FMN1: variants seen among roughly 807,000 people sequenced by gnomAD.
The protein encoded by FMN1 is formin-1.
In FMN1, 110 loss-of-function variants were observed where a neutral mutation model predicts 132.4. The ratio of observed to expected loss-of-function variants is 0.83; its 90% CI spans 0.71 to 0.97. The LOEUF (loss-of-function observed/expected upper bound fraction) is 0.97, where lower values mean the gene tolerates loss of function less well. FMN1 is among the 50% of genes least tolerant of loss of function. The pLI is 0.00. For missense variants in FMN1, 1,792 were observed against 1,705.3 expected (o/e 1.05, Z -0.90); for synonymous variants, 722 against 651.7 (o/e 1.11, Z -1.64).
Position 32,773,262 on chromosome 15 carries a change from A to G in FMN1, c.*1048T>C, listed in dbSNP as rs959893261. On this transcript the variant is annotated 3_prime_UTR_variant, in exon 21 of 21. Coordinates refer to ENST00000616417, the MANE Select transcript of FMN1 (RefSeq NM_001277313.2). ...TGCCCTTCAGTTTTTTTGACATTAA[A>G]GAGTCCTGCTTCATCCTACTTCACA... The G allele has an allele frequency of 6.6e-6, 1 of 152,152 alleles. No individual in the cohort carries two copies. Among genetic ancestry groups the G allele is most frequent in the Admixed American group, 6.5e-5 (1 of 15,280 alleles). 9.4% of individuals were successfully genotyped at this position (152,152 alleles called of 1,614,324 possible).
At chr15:32,860,295 T>C (rs540208445) in intron 16 of FMN1, among the ~76,000 whole-genome samples, 5 of 151,964 alleles carry the variant, frequency 3.3e-5, no homozygotes, top group African/African-American at 9.6e-5. Context: ...AAGGGAAAAG[T>C]AGATGAAGAA....
rs74008203 is a variant in FMN1, at chr15:33,066,652, C to A, written c.2044-1578G>T. The A allele has an allele frequency of 4.3e-6, 7 of 1,613,686 alleles. No individual in the cohort carries two copies. In the Admixed American group the frequency reaches 6.7e-5, roughly 15 times the overall value. ...CAGCTGTGGTCCCCTTTCTGGGGGG[C>A]CGGATGAATAGGGCTTTAAAAGCCT... On this transcript the variant is annotated intron_variant, in intron 5 of 20. Transcript: ENST00000616417.
chr15:32,909,393 T>C (rs543310670), intron 11 of FMN1, among the ~76,000 whole-genome samples: 57 of 152,354 alleles, frequency 3.7e-4, no homozygotes, highest in African/African-American at 1.4e-3. Context: ...TTGTGTACTT[T>C]CTGGTTTATT....
intron 4 of FMN1, among the ~76,000 whole-genome samples, chr15:33,107,862 T>C (rs2140108974): frequency 6.6e-6 from 1 of 152,290 alleles, no homozygotes; most frequent in South Asian, 2.1e-4. Flanking sequence ...TGAAGACATT[T>C]AAATAAAATG....
At chr15:32,999,325 C>T (rs144864630) in intron 7 of FMN1, among the ~76,000 whole-genome samples, 149 of 152,258 alleles carry the variant, frequency 9.8e-4, no homozygotes, top group African/African-American at 3.2e-3. Context: ...TTATAAATTT[C>T]GTTGTATCAG....
intron 6 of FMN1, among the ~76,000 whole-genome samples, chr15:33,046,003 T>C (rs2036663508): frequency 6.6e-6 from 1 of 152,200 alleles, no homozygotes; most frequent in African/African-American, 2.4e-5. Flanking sequence ...AATTATGAAA[T>C]AATAAAAGAT....
At chr15:33,173,914 C>A (rs963484897) in intron 3 of FMN1, among the ~76,000 whole-genome samples, 1 of 151,684 alleles carries the variant, frequency 6.6e-6, no homozygotes, top group Non-Finnish European at 1.5e-5. Flanking sequence ...GGGCAGCAAG[C>A]CTCTGTCTCA....
intron 9 of FMN1, among the ~76,000 whole-genome samples, chr15:32,954,461 C>T (rs1450124793): frequency 6.6e-6 from 1 of 152,140 alleles, no homozygotes; most frequent in African/African-American, 2.4e-5. Flanking sequence ...TGACCAGATC[C>T]TTGGAATTCA....
chr15:32,879,376 C>T (rs1371180417), intron 16 of FMN1, among the ~76,000 whole-genome samples: 2 of 152,170 alleles, frequency 1.3e-5, no homozygotes, highest in African/African-American at 4.8e-5. Flanking sequence ...GACAAATGGG[C>T]TGTGAAGGAG....
At chr15:32,936,527 C>G (rs2061275258) in intron 9 of FMN1, among the ~76,000 whole-genome samples, 1 of 152,124 alleles carries the variant, frequency 6.6e-6, no homozygotes, top group South Asian at 2.1e-4. Context: ...TGCAGTTTCT[C>G]TGGAGGTATA....
chr15:33,049,979 T>G (rs2036892185), intron 6 of FMN1, among the ~76,000 whole-genome samples: 1 of 152,258 alleles, frequency 6.6e-6, no homozygotes, highest in African/African-American at 2.4e-5. Context: ...GTTTTTTCTT[T>G]TAACACAACC....
rs1171369156 is a variant in FMN1 at position 33,069,993 on chromosome 15, CTTTTTTTTT to C, written c.2044-4928_2044-4920del. Among the ~76,000 whole-genome samples, 46 of 74,326 alleles carry C rather than the reference CTTTTTTTTT, an allele frequency of 6.2e-4. 1 individual carries two copies. Among genetic ancestry groups the C allele is most frequent in the Admixed American group, 3.2e-3 (17 of 5,388 alleles). The allele number at this position is 74,326 out of a possible 152,430, so 48.8% of individuals were successfully genotyped here. ...AACAGATCATAAGATCAGTCTTTCT[CTTTTTTTTT>C]TTTTTTTTTTTTTTTTTTTTGAGAC... On this transcript the variant is annotated intron_variant, in intron 5 of 20. Coordinates refer to ENST00000616417, the MANE Select transcript of FMN1 (RefSeq NM_001277313.2).
chr15:33,000,505 A>G (rs950316053), intron 7 of FMN1, among the ~76,000 whole-genome samples: 1 of 151,628 alleles, frequency 6.6e-6, no homozygotes, highest in Non-Finnish European at 1.5e-5. Flanking sequence ...GGCTGAGCAT[A>G]GTGGCTGACA....
intron 19 of FMN1, among the ~76,000 whole-genome samples, chr15:32,779,023 T>C (rs1390210351): frequency 1.3e-5 from 2 of 152,194 alleles, no homozygotes; most frequent in East Asian, 1.9e-4. Context: ...AACATGGATG[T>C]ACCTCAAAAA....
At chr15:32,856,974 T>C (rs367606290) in intron 17 of FMN1, 41 bp downstream of exon 17, 213 of 1,412,910 alleles carry the variant, frequency 1.5e-4, no homozygotes, top group Non-Finnish European at 2.1e-4. Context: ...ATGAAGGATG[T>C]TTCAGGGCCA....
chr15:32,985,125 C>T (rs1302230855), intron 7 of FMN1, among the ~76,000 whole-genome samples: 2 of 152,046 alleles, frequency 1.3e-5, no homozygotes, highest in African/African-American at 4.8e-5. Context: ...TTACCATACG[C>T]TCTGTGTAAT....
rs146969266 is a variant in FMN1 at position 32,774,467 on chromosome 15, C to G, written c.4216-113G>C. 4.9e-3 allele frequency: 3,942 copies of G among 802,188 alleles called. 25 individuals are homozygous for G. Among genetic ancestry groups the G allele is most frequent in the Non-Finnish European group, 5.7e-3 (2,798 of 489,842 alleles). The allele number at this position is 802,188 out of a possible 1,614,324, so 49.7% of individuals were successfully genotyped here. On this transcript the variant is annotated intron_variant, in intron 20 of 20. Transcript: ENST00000616417. Reference sequence around the variant, plus strand: ...AGTTTCCGGAATTGTGCCAAATGGCCTAGAAATGAGAGTACCTCTACTGCT... The same window carrying G: ...AGTTTCCGGAATTGTGCCAAATGGCGTAGAAATGAGAGTACCTCTACTGCT...
intron 6 of FMN1, chr15:33,062,528 A>AG (rs1331900941): frequency 6.6e-6 from 1 of 152,228 alleles, no homozygotes; most frequent in East Asian, 1.9e-4. Context: ...AGGCTGAGGC[A>AG]GGAGAATGGC....
At chr15:33,165,732 AC>A (rs1408969679) in intron 3 of FMN1, among the ~76,000 whole-genome samples, 1 of 151,898 alleles carries the variant, frequency 6.6e-6, no homozygotes, top group African/African-American at 2.4e-5. Flanking sequence ...GACGATTGTA[AC>A]CCCATTTTAT....
Sources: gnomAD v4.1 joint callset for allele counts (sites outside exome capture counted in the v4.1 genomes callset) on GRCh38, gnomAD v4.1.1 for gene constraint, MANE v1.5 for transcripts, NCBI Gene and HGNC (gene_info 2026-07-23, HGNC 2026-07-21) for gene names.